The following ULK4 variants were observed in gnomAD, a reference collection of about 807,000 sequenced individuals.
ULK4 encodes unc-51 like kinase 4, also known as inactive serine/threonine-protein kinase ULK4.
Under a neutral mutation model 160.6 loss-of-function variants are expected in ULK4, and 133 were observed. That is an observed-to-expected ratio of 0.83 (90% CI 0.72 to 0.96). The LOEUF is 0.96. Among genes scored for constraint, ULK4 ranks in the 40% least tolerant of loss-of-function variants. The pLI, the probability that ULK4 is intolerant of heterozygous loss-of-function variation, is 0.00. For synonymous variants in ULK4, 534 were observed against 539.8 expected (o/e 0.99, Z 0.15); for missense variants, 1,580 against 1,499.5 (o/e 1.05, Z -0.89).
chr3:41,413,167 T>C (rs1294483514), intron 34 of ULK4, among the ~76,000 whole-genome samples: 1 of 152,048 alleles, frequency 6.6e-6, no homozygotes, highest in Non-Finnish European at 1.5e-5. Flanking sequence ...TAAAAAACCA[T>C]CAGCTCTCGT....
Position 41,705,073 on chromosome 3 carries a change from T to G in ULK4, c.2765A>C (p.Lys922Thr). 6.2e-7 allele frequency: 1 copy of G among 1,611,648 alleles called. No homozygotes were observed. Among genetic ancestry groups the G allele is most frequent in the Non-Finnish European group, 8.5e-7 (1 of 1,179,308 alleles). ...AGAACTGACCGTGGAGCGATAGTCT[T>G]TCAATAAAATAGGATACTGTATTAT... ...EAIIQYPILLKDYRSTVVDYI... is the reference protein window; with the variant it reads ...EAIIQYPILLTDYRSTVVDYI... The change falls in exon 27 of 37, where the codon AAA becomes ACA. Residue 922 changes from lysine to threonine, a missense_variant. Coordinates refer to ENST00000301831, the MANE Select transcript of ULK4 (RefSeq NM_017886.4).
At chr3:41,596,100 G>A (rs143733055) in intron 31 of ULK4, among the ~76,000 whole-genome samples, 1,904 of 152,264 alleles carry the variant, frequency 0.013, 24 homozygotes, top group Non-Finnish European at 0.017. Flanking sequence ...CATTACATCG[G>A]GGGGATGACA....
intron 35 of ULK4, among the ~76,000 whole-genome samples, chr3:41,285,455 T>C (rs1047243996): frequency 8.5e-5 from 13 of 152,076 alleles, no homozygotes; most frequent in African/African-American, 2.7e-4. Flanking sequence ...CTGGATGAGA[T>C]TGGAGGCTAT....
At chr3:41,842,162 C>T (rs549150137) in intron 17 of ULK4, among the ~76,000 whole-genome samples, 4 of 136,538 alleles carry the variant, frequency 2.9e-5, no homozygotes, top group Non-Finnish European at 6.2e-5. Flanking sequence ...AAGAAAATAA[C>T]GCTGCAATGA....
At chr3:41,931,485 A>G (rs979337846) in intron 5 of ULK4, among the ~76,000 whole-genome samples, 3 of 151,954 alleles carry the variant, frequency 2.0e-5, no homozygotes, top group South Asian at 4.1e-4. Flanking sequence ...AAAAAAAAAA[A>G]AAAGAAAGAA....
At chr3:41,857,769 C>T (rs934426175) in intron 17 of ULK4, among the ~76,000 whole-genome samples, 1 of 152,140 alleles carries the variant, frequency 6.6e-6, no homozygotes, top group African/African-American at 2.4e-5. Context: ...ACATAGCAGT[C>T]GCTAATGACC....
At chr3:41,872,623 T>C (rs1362017466) in intron 17 of ULK4, among the ~76,000 whole-genome samples, 3 of 150,156 alleles carry the variant, frequency 2.0e-5, no homozygotes, top group Non-Finnish European at 4.4e-5. Context: ...CTACCTACTT[T>C]TGTTTTTATA....
intron 32 of ULK4, among the ~76,000 whole-genome samples, chr3:41,506,521 CT>C (rs1222225250): frequency 6.6e-6 from 1 of 151,546 alleles, no homozygotes; most frequent in Non-Finnish European, 1.5e-5. Flanking sequence ...TAGTCATTTT[CT>C]TTCTTGCCGT....
intron 32 of ULK4, among the ~76,000 whole-genome samples, chr3:41,548,194 G>A (rs963694040): frequency 2.6e-5 from 4 of 152,132 alleles, no homozygotes; most frequent in African/African-American, 9.7e-5. Context: ...TAGAAAGTCT[G>A]AGGAAGGCCC....
At chr3:41,786,050 A>G (rs537882153) in intron 21 of ULK4, among the ~76,000 whole-genome samples, 33 of 151,998 alleles carry the variant, frequency 2.2e-4, no homozygotes, top group African/African-American at 8.0e-4. Context: ...CTGTTCTCCA[A>G]CCTAACCTAG....
At chr3:41,331,284 T>A (rs774325692) in intron 35 of ULK4, among the ~76,000 whole-genome samples, 1 of 152,210 alleles carries the variant, frequency 6.6e-6, no homozygotes, top group Non-Finnish European at 1.5e-5. Flanking sequence ...GTAAGAGACA[T>A]TAAGAGAGCA....
At chr3:41,397,966 A>T (rs759362904) in intron 35 of ULK4, 113 bp downstream of exon 35, 178 of 1,226,780 alleles carry the variant, frequency 1.5e-4, no homozygotes, top group Non-Finnish European at 1.9e-4. Context: ...GTTCTTGACA[A>T]CTCTTGCAAA....
chr3:41,487,692 C>T (rs533258249), intron 32 of ULK4, among the ~76,000 whole-genome samples: 2 of 152,162 alleles, frequency 1.3e-5, no homozygotes, highest in Admixed American at 1.3e-4. Context: ...CAAATCCCAG[C>T]CAGAATAAGG....
intron 31 of ULK4, among the ~76,000 whole-genome samples, chr3:41,612,472 G>A (rs2032732134): frequency 6.6e-6 from 1 of 152,134 alleles, no homozygotes; most frequent in African/African-American, 2.4e-5. Flanking sequence ...CTCTCTCCCT[G>A]CAACGTGAAC....
intron 30 of ULK4, among the ~76,000 whole-genome samples, chr3:41,633,068 T>C (rs2033811101): frequency 6.6e-6 from 1 of 152,322 alleles, no homozygotes; most frequent in South Asian, 2.1e-4. Context: ...AGAGCAAGTT[T>C]ATTACATAAG....
chr3:41,387,515 C>T (rs1026662792), intron 35 of ULK4, among the ~76,000 whole-genome samples: 3 of 152,052 alleles, frequency 2.0e-5, no homozygotes, highest in Admixed American at 6.6e-5. Flanking sequence ...TAATGCTATC[C>T]CTCCCTACTC....
intron 35 of ULK4, among the ~76,000 whole-genome samples, chr3:41,383,923 T>A (rs2081735428): frequency 6.6e-6 from 1 of 152,218 alleles, no homozygotes; most frequent in African/African-American, 2.4e-5. Context: ...ATATTTCCCC[T>A]CAGGCATTAA....
chr3:41,604,603 C>A (rs1402297047), intron 31 of ULK4, among the ~76,000 whole-genome samples: 1 of 152,094 alleles, frequency 6.6e-6, no homozygotes, highest in Non-Finnish European at 1.5e-5. Context: ...AAGCACCTAA[C>A]AGGCAGCATA....
intron 22 of ULK4, among the ~76,000 whole-genome samples, chr3:41,741,839 G>GTCC: frequency 6.6e-6 from 1 of 151,962 alleles, no homozygotes; most frequent in South Asian, 2.1e-4. Context: ...GTGGAAAAAA[G>GTCC]GTGGACTGGC....
Sources: gnomAD v4.1 joint callset for allele counts (sites outside exome capture counted in the v4.1 genomes callset) on GRCh38, gnomAD v4.1.1 for gene constraint, MANE v1.5 for transcripts, NCBI Gene and HGNC (gene_info 2026-07-23, HGNC 2026-07-21) for gene names.